Variants in RBFOX1 observed in about 807,000 individuals in gnomAD.
The protein encoded by RBFOX1 is RNA binding protein fox-1 homolog 1.
A neutral mutation model predicts 57.7 loss-of-function variants in RBFOX1; 8 were observed. That is an observed-to-expected ratio of 0.14 (90% confidence interval 0.08 to 0.25). The LOEUF (loss-of-function observed/expected upper bound fraction) is 0.25. RBFOX1 is among the 10% of genes least tolerant of loss of function. RBFOX1 has a pLI of 1.00. For missense variants in RBFOX1, 611 were observed against 548.5 expected (o/e 1.11, Z -1.14); for synonymous variants, 326 against 222.4 (o/e 1.47, Z -4.15).
At position 6,886,550 on chromosome 16, in the gene RBFOX1, T is replaced by G. The variant is rs183837322; in HGVS notation, c.-15-165507T>G. ...GGTAGATCACCTGAGTTCAGGAGTT[T>G]GAGACTAGCCTGGTCTACATGGTGA... is the stretch of plus-strand genomic sequence containing the variant. On this transcript the variant is annotated intron_variant, in intron 3 of 15. Coordinates refer to ENST00000550418, the MANE Select transcript of RBFOX1 (RefSeq NM_018723.4). 9.8e-4 allele frequency among the ~76,000 whole-genome samples: 149 copies of G among 151,994 alleles called. 1 individual carries two copies. Among genetic ancestry groups the G allele is most frequent in the African/African-American group, 3.5e-3 (147 of 41,496 alleles).
At chr16:7,342,267 G>A (rs1193479433) in intron 4 of RBFOX1, among the ~76,000 whole-genome samples, 1 of 152,130 alleles carries the variant, frequency 6.6e-6, no homozygotes, top group Non-Finnish European at 1.5e-5. Flanking sequence ...TTGCAGTGTA[G>A]TCATGGTGTC....
chr16:6,179,226 T>A (rs766414975), intron 1 of RBFOX1, among the ~76,000 whole-genome samples: 1 of 152,276 alleles, frequency 6.6e-6, no homozygotes, highest in East Asian at 1.9e-4. Flanking sequence ...TCCCTTTAAC[T>A]ATCCAACGCC....
chr16:5,818,616 C>T (rs936117712), intron 3 of RBFOX1, among the ~76,000 whole-genome samples: 13 of 152,138 alleles, frequency 8.5e-5, no homozygotes, highest in African/African-American at 2.7e-4. Context: ...TTAGTTTTGA[C>T]GAGAAATTAG....
chr16:7,321,402 T>C (rs2096543873), intron 4 of RBFOX1, among the ~76,000 whole-genome samples: 1 of 152,120 alleles, frequency 6.6e-6, no homozygotes. Flanking sequence ...CTCCTCGGCC[T>C]CCCAAAGTGC....
rs189287887 is a variant in RBFOX1 at position 6,384,854 on chromosome 16, C to G, written c.-64+67797C>G. Among the ~76,000 whole-genome samples, 34 of 152,266 alleles carry G rather than the reference C, an allele frequency of 2.2e-4. 1 individual carries two copies. In the Middle Eastern group the frequency reaches 0.01, roughly 46 times the overall value. On this transcript the variant is annotated intron_variant, in intron 2 of 15. Transcript: ENST00000550418. ...GGTCAGCCTGTGATCTGGGAGGTTT[C>G]TTTTCTAACTAACGTGTATCCTTCC...
At chr16:6,446,241 C>G (rs1041694505) in intron 2 of RBFOX1, among the ~76,000 whole-genome samples, 1 of 151,894 alleles carries the variant, frequency 6.6e-6, no homozygotes, top group Non-Finnish European at 1.5e-5. Flanking sequence ...TGGGCCCAAG[C>G]AGTCCTCCTG....
At chr16:6,425,462 C>T (rs1455188853) in intron 2 of RBFOX1, among the ~76,000 whole-genome samples, 1 of 152,198 alleles carries the variant, frequency 6.6e-6, no homozygotes, top group Non-Finnish European at 1.5e-5. Context: ...CTCACCATTT[C>T]TGTGGGCTTG....
At chr16:5,792,545 A>G (rs1309034473) in intron 3 of RBFOX1, among the ~76,000 whole-genome samples, 1 of 152,242 alleles carries the variant, frequency 6.6e-6, no homozygotes, top group Admixed American at 6.5e-5. Context: ...AATGGCATTA[A>G]GAATATCATA....
chr16:6,654,805 C>G (rs936984220), intron 3 of RBFOX1, among the ~76,000 whole-genome samples, 155 bp downstream of exon 3: 1 of 152,088 alleles, frequency 6.6e-6, no homozygotes, highest in Admixed American at 6.5e-5. Context: ...AAATGCTTGT[C>G]ATTTTACTCC....
intron 4 of RBFOX1, among the ~76,000 whole-genome samples, chr16:5,997,744 A>T (rs1419017671): frequency 1.3e-5 from 2 of 152,212 alleles, no homozygotes; most frequent in East Asian, 3.9e-4. Context: ...CATTCCCGTA[A>T]AAGTTTCTGT....
chr16:6,781,005 C>A (rs2080925066), intron 3 of RBFOX1, among the ~76,000 whole-genome samples: 1 of 152,008 alleles, frequency 6.6e-6, no homozygotes, highest in Non-Finnish European at 1.5e-5. Context: ...TGATGTGATC[C>A]CATTTGACCA....
intron 4 of RBFOX1, among the ~76,000 whole-genome samples, chr16:7,261,728 T>G (rs1312266274): frequency 6.6e-6 from 1 of 152,128 alleles, no homozygotes; most frequent in African/African-American, 2.4e-5. Context: ...ATGATAATAA[T>G]AGTATCTACC....
chr16:7,264,419 G>C (rs2095050038), intron 4 of RBFOX1, among the ~76,000 whole-genome samples: 1 of 152,190 alleles, frequency 6.6e-6, no homozygotes, highest in South Asian at 2.1e-4. Flanking sequence ...ATCTGGGATG[G>C]CTCACAGTAG....
At chr16:7,073,280 T>A (rs2057694210) in intron 4 of RBFOX1, among the ~76,000 whole-genome samples, 1 of 152,224 alleles carries the variant, frequency 6.6e-6, no homozygotes, top group Non-Finnish European at 1.5e-5. Context: ...AAATTTCTAC[T>A]ATTTGGCTCT....
chr16:5,999,755 G>C (rs2060555941), intron 4 of RBFOX1, among the ~76,000 whole-genome samples: 1 of 151,788 alleles, frequency 6.6e-6, no homozygotes, highest in Non-Finnish European at 1.5e-5. Context: ...CAGCTACTTG[G>C]GAGGCTGAGG....
chr16:6,623,029 C>G (rs1009147594), intron 2 of RBFOX1, among the ~76,000 whole-genome samples: 1 of 152,194 alleles, frequency 6.6e-6, no homozygotes, highest in East Asian at 1.9e-4. Flanking sequence ...TACAAAGCCT[C>G]TTTGGCAAAA....
intron 3 of RBFOX1, among the ~76,000 whole-genome samples, chr16:5,742,758 T>A (rs925692051): frequency 6.6e-6 from 1 of 152,190 alleles, no homozygotes; most frequent in African/African-American, 2.4e-5. Flanking sequence ...AGATAGCGTT[T>A]ATGGAAGAAG....
rs3046798 is a variant in RBFOX1, at chr16:7,144,417, C to CTTCTTTTTTTTTTTTTTTTTTT, written c.27+92321_27+92322insCTTTTTTTTTTTTTTTTTTTTT. On this transcript the variant is annotated intron_variant, in intron 4 of 15. Transcript: ENST00000550418. ...TCTTTTCTCTTTCTTTTTCTTTCTT[C>CTTCTTTTTTTTTTTTTTTTTTT]TTTTTTTTTTTTTTTTTTTTTGAGT... Among the ~76,000 whole-genome samples, 30 of 66,924 alleles carry CTTCTTTTTTTTTTTTTTTTTTT rather than the reference C, an allele frequency of 4.5e-4. 1 individual carries two copies. Among genetic ancestry groups the CTTCTTTTTTTTTTTTTTTTTTT allele is most frequent in the African/African-American group, 1.1e-3 (18 of 16,498 alleles). 43.9% of individuals were successfully genotyped at this position (66,924 alleles called of 152,430 possible). A position where few individuals can be genotyped will look rare whatever the true frequency, so the allele number is the denominator to read the frequency against.
At position 5,905,411 on chromosome 16, in the gene RBFOX1, C is replaced by G. The variant is rs111772960; in HGVS notation, c.351+38076C>G. On this transcript the variant is annotated intron_variant, in intron 4 of 19. Transcript: ENST00000641259. ...ACACAGACACATATAGAGGGAAGCC[C>G]ATGTGAAGACACACAGAAGGCCAGG... is the stretch of plus-strand genomic sequence containing the variant. Among the ~76,000 whole-genome samples, 7 of 152,112 alleles carry G rather than the reference C, an allele frequency of 4.6e-5. 1 individual carries two copies. Among genetic ancestry groups the G allele is most frequent in the African/African-American group, 1.7e-4 (7 of 41,494 alleles).
Sources: gnomAD v4.1 joint callset for allele counts (sites outside exome capture counted in the v4.1 genomes callset) on GRCh38, gnomAD v4.1.1 for gene constraint, MANE v1.5 for transcripts, NCBI Gene and HGNC (gene_info 2026-07-23, HGNC 2026-07-21) for gene names.